Variants in HELB observed in about 807,000 individuals in gnomAD.
HELB encodes the protein DNA helicase B.
A neutral mutation model predicts 101.7 loss-of-function variants in HELB; 96 were observed. The ratio of observed to expected loss-of-function variants is 0.94; its 90% CI spans 0.80 to 1.12. The LOEUF (loss-of-function observed/expected upper bound fraction) is 1.12. HELB is among the 50% of genes most tolerant of loss of function. The pLI, the probability that HELB is intolerant of heterozygous loss-of-function variation, is 0.00. For synonymous variants in HELB, 437 were observed against 459.7 expected (o/e 0.95, Z 0.63); for missense variants, 1,210 against 1,291.9 (o/e 0.94, Z 0.97).
intron 6 of HELB, among the ~76,000 whole-genome samples, chr12:66,317,081 C>T (rs924547936): frequency 2.7e-5 from 4 of 150,878 alleles, no homozygotes; most frequent in Non-Finnish European, 5.9e-5. Context: ...CCTGTAATCC[C>T]AGCTAGTCGG....
At chr12:66,312,590 G>A (rs780857455) in intron 4 of HELB, among the ~76,000 whole-genome samples, 11 of 152,162 alleles carry the variant, frequency 7.2e-5, no homozygotes, top group Admixed American at 1.3e-4. Context: ...GGGGACACCC[G>A]AAAGGGATCA....
At position 66,331,612 on chromosome 12, in the gene HELB, G is replaced by A. The variant is rs115094827; in HGVS notation, c.3129G>A (p.Val1043=). Residue 1043 remains valine (V), a synonymous_variant, in exon 12 of 13, where the codon GTG becomes GTA. Coordinates refer to ENST00000247815, the MANE Select transcript of HELB (RefSeq NM_001370285.1). ...KSRASKRTCG[V]NDDESPSKIF... is the part of the protein sequence containing the mutation. ...GAGCATCCAAAAGAACCTGTGGTGT[G>A]AATGATGATGAAAGTCCAAGCAAAA... 925 of 1,604,270 alleles carry A rather than the reference G, an allele frequency of 5.8e-4. 6 individuals are homozygous for A. The African/African-American group carries it at 0.011, about 19-fold the overall frequency.
In HELB at chr12:66,331,630, A is replaced by G. The variant is rs771744680; in HGVS notation, c.3147A>G (p.Pro1049=). ...RTCGVNDDES[P]SKIFMVGESP... ...GTGGTGTGAATGATGATGAAAGTCC[A>G]AGCAAAATTTTTATGGTAGGAGTGA... is the stretch of plus-strand genomic sequence containing the variant. The change falls in exon 12 of 13, where the codon CCA becomes CCG. Residue 1049 remains proline (P), a synonymous_variant. Coordinates refer to ENST00000247815, the MANE Select transcript of HELB (RefSeq NM_001370285.1). 5 of 1,597,772 alleles carry G rather than the reference A, an allele frequency of 3.1e-6. No homozygotes were observed. In the Admixed American group the frequency reaches 5.1e-5, roughly 16 times the overall value.
intron 1 of HELB, 56 bp downstream of exon 1, chr12:66,302,846 CAT>C: frequency 6.8e-7 from 1 of 1,479,198 alleles, no homozygotes; most frequent in Non-Finnish European, 9.1e-7. Flanking sequence ...TAGCGCTTCC[CAT>C]TCTGGCTTTG....
chr12:66,312,263 T>C (rs1166597326), intron 4 of HELB, among the ~76,000 whole-genome samples: 1 of 152,224 alleles, frequency 6.6e-6, no homozygotes, highest in Non-Finnish European at 1.5e-5. Context: ...CAGCTTGTTG[T>C]TCTTTCCATG....
rs531304418 is a variant in HELB at position 66,310,650 on chromosome 12, G to A, written c.1680+42G>A. ...TTCATCTGTAGATAAAACATTTGTC[G>A]GCCGGGCACAGTGGCTCACGCCTGT... On this transcript the variant is annotated intron_variant, in intron 4 of 12. Transcript: ENST00000247815. 8.0e-5 allele frequency: 124 copies of A among 1,559,548 alleles called. 1 individual carries two copies. In the South Asian group the frequency reaches 1.3e-3, roughly 17 times the overall value.
chr12:66,306,696 T>C (rs926130486), intron 3 of HELB, among the ~76,000 whole-genome samples, 182 bp downstream of exon 3: 1 of 152,174 alleles, frequency 6.6e-6, no homozygotes, highest in East Asian at 1.9e-4. Flanking sequence ...AGCTATAGCA[T>C]AAGAACATTT....
At chr12:66,327,383 T>A (rs2053754323) in intron 11 of HELB, among the ~76,000 whole-genome samples, 1 of 152,182 alleles carries the variant, frequency 6.6e-6, no homozygotes, top group Admixed American at 6.5e-5. Context: ...TATGTGCATA[T>A]TAGACTTCCA....
chr12:66,307,146 A>G (rs1338891846), intron 3 of HELB, among the ~76,000 whole-genome samples: 1 of 152,206 alleles, frequency 6.6e-6, no homozygotes, highest in Non-Finnish European at 1.5e-5. Flanking sequence ...AGAAAAATAC[A>G]GTTGAGAAAC....
Position 66,338,046 on chromosome 12 carries a change from C to T in HELB, c.3208C>T (p.Leu1070=). 6.2e-7 allele frequency: 1 copy of T among 1,605,752 alleles called. No individual in the cohort carries two copies. Among genetic ancestry groups the T allele is most frequent in the Non-Finnish European group, 8.5e-7 (1 of 1,172,744 alleles). The change falls in exon 13 of 13, where the codon CTG becomes TTG. Residue 1070 remains leucine, a synonymous_variant. Coordinates refer to ENST00000247815, the MANE Select transcript of HELB (RefSeq NM_001370285.1). ...GTCTTCCAGACTTCAGAATTTGAGACTGAATAATTTAATTCCCAGGCAACT... is the reference window on the plus strand; with the variant it reads ...GTCTTCCAGACTTCAGAATTTGAGATTGAATAATTTAATTCCCAGGCAACT... ...QVSSRLQNLR[L]NNLIPRQLFK...
intron 12 of HELB, among the ~76,000 whole-genome samples, chr12:66,331,948 A>C (rs575421350): frequency 6.6e-6 from 1 of 152,272 alleles, no homozygotes; most frequent in South Asian, 2.1e-4. Context: ...TGATTTGGCT[A>C]ACAAAGTTTT....
intron 1 of HELB, among the ~76,000 whole-genome samples, chr12:66,303,731 C>T (rs553754851): frequency 3.3e-5 from 5 of 152,294 alleles, no homozygotes; most frequent in South Asian, 2.1e-4. Context: ...CCTTGTGGTT[C>T]GGGTAAACCT....
At chr12:66,337,750 C>T (rs1486267535) in intron 12 of HELB, among the ~76,000 whole-genome samples, 2 of 152,098 alleles carry the variant, frequency 1.3e-5, no homozygotes, top group East Asian at 1.9e-4. Context: ...AGAAGTTAGA[C>T]ACACATACTA....
intron 11 of HELB, 88 bp from the exon 12 acceptor site, chr12:66,331,066 C>T: frequency 1.4e-6 from 2 of 1,454,922 alleles, no homozygotes; most frequent in South Asian, 1.4e-5. Context: ...CTTGAGAGCA[C>T]TTTGAACACT....
At chr12:66,315,614 G>C (rs1337819032) in intron 6 of HELB, among the ~76,000 whole-genome samples, 1 of 152,158 alleles carries the variant, frequency 6.6e-6, no homozygotes, top group African/African-American at 2.4e-5. Flanking sequence ...GAGGTTTCCT[G>C]ATTTTAAAAG....
At chr12:66,311,599 T>C (rs1173139784) in intron 4 of HELB, among the ~76,000 whole-genome samples, 1 of 152,186 alleles carries the variant, frequency 6.6e-6, no homozygotes, top group South Asian at 2.1e-4. Context: ...TTGAGTAACA[T>C]TGGAAATGGA....
At chr12:66,323,132 G>C (rs1328068229) in intron 9 of HELB, among the ~76,000 whole-genome samples, 1 of 152,118 alleles carries the variant, frequency 6.6e-6, no homozygotes, top group Non-Finnish European at 1.5e-5. Flanking sequence ...TGCCTGCAGA[G>C]AGCAACTTAG....
At position 66,324,061 on chromosome 12, in the gene HELB, A is replaced by G. The variant is rs142463199; in HGVS notation, c.2376A>G (p.Leu792=). 1 of 1,613,582 alleles carries G rather than the reference A, an allele frequency of 6.2e-7. No homozygotes were observed. The highest frequency in any genetic ancestry group is 2.2e-5 in the East Asian group (1 of 44,824). The part of the protein sequence containing the change: ...CTRNAYLSDL[L]PENISGSQQN... ...GGAATGCATACCTCTCAGACTTACT[A>G]CCTGAAAATATCTCTGGAAGTCAGC... Residue 792 remains leucine, a synonymous_variant, in exon 10 of 13, where the codon CTA becomes CTG. Coordinates refer to ENST00000247815, the MANE Select transcript of HELB (RefSeq NM_001370285.1).
At chr12:66,324,372 G>C (rs2053711062) in intron 10 of HELB, 161 bp downstream of exon 10, 2 of 602,528 alleles carry the variant, frequency 3.3e-6, no homozygotes, top group South Asian at 4.1e-5. Context: ...AAGGATATGG[G>C]TAGTTATCTG....
Sources: allele counts gnomAD v4.1 joint callset (sites outside exome capture counted in the v4.1 genomes callset), GRCh38; gene constraint gnomAD v4.1.1; transcripts MANE v1.5; gene names NCBI Gene and HGNC (gene_info 2026-07-23, HGNC 2026-07-21).